The following P4HA1 variants were observed in gnomAD, a reference collection of about 807,000 sequenced individuals.
P4HA1 encodes the protein prolyl 4-hydroxylase subunit alpha-1.
A neutral mutation model predicts 72.8 loss-of-function variants in P4HA1; 24 were observed. The ratio of observed to expected loss-of-function variants is 0.33; its 90% confidence interval spans 0.24 to 0.46. The LOEUF (loss-of-function observed/expected upper bound fraction) is 0.46. P4HA1 is among the 20% of genes least tolerant of loss of function. The probability of loss-of-function intolerance (pLI) is 1.00; values close to 1 mark genes in which losing one functional copy is unlikely to be tolerated. For synonymous variants in P4HA1, 201 were observed against 218.8 expected, an observed-to-expected ratio of 0.92 and a Z score of 0.72; for missense variants, 446 against 640.6, an observed-to-expected ratio of 0.70 and a Z score of 3.28.
At chr10:73,027,333 C>T (rs1414128907) in intron 10 of P4HA1, among the ~76,000 whole-genome samples, 1 of 150,904 alleles carries the variant, frequency 6.6e-6, no homozygotes, top group African/African-American at 2.4e-5. Flanking sequence ...TCATTCTCAG[C>T]AAACTCTCAC....
intron 5 of P4HA1, among the ~76,000 whole-genome samples, chr10:73,063,948 A>G (rs1391235789): frequency 6.6e-6 from 1 of 151,874 alleles, no homozygotes; most frequent in Non-Finnish European, 1.5e-5. Context: ...AAGAAAACAA[A>G]GAAGAAAATG....
chr10:73,087,277 T>A (rs1841942743), intron 1 of P4HA1, among the ~76,000 whole-genome samples: 1 of 150,842 alleles, frequency 6.6e-6, no homozygotes, highest in African/African-American at 2.4e-5. Context: ...TATTTTTTTT[T>A]TTTTTTTTTG....
At chr10:73,019,730 G>GA (rs3066045) in intron 10 of P4HA1, among the ~76,000 whole-genome samples, 15 of 65,224 alleles carry the variant, frequency 2.3e-4, no homozygotes, top group Non-Finnish European at 1.6e-4. Flanking sequence ...CTCTGTCTCA[G>GA]AAAAAAAAAA....
intron 9 of P4HA1, among the ~76,000 whole-genome samples, chr10:73,031,531 A>G (rs1840432915): frequency 6.6e-6 from 1 of 152,194 alleles, no homozygotes; most frequent in Non-Finnish European, 1.5e-5. Flanking sequence ...AAGTCAAAGA[A>G]GCCAGATACA....
intron 1 of P4HA1, among the ~76,000 whole-genome samples, chr10:73,090,100 T>C (rs1027044230): frequency 8.0e-5 from 12 of 150,874 alleles, no homozygotes; most frequent in African/African-American, 2.9e-4. Flanking sequence ...CCCCAGAGTG[T>C]TGGGATTACA....
At chr10:73,041,536 C>T (rs1840733898) in intron 9 of P4HA1, among the ~76,000 whole-genome samples, 1 of 147,808 alleles carries the variant, frequency 6.8e-6, no homozygotes, top group African/African-American at 2.6e-5. Flanking sequence ...GAGCAAGACT[C>T]CATCCCCCCC....
intron 1 of P4HA1, among the ~76,000 whole-genome samples, chr10:73,085,670 A>T (rs1335560137): frequency 6.6e-6 from 1 of 151,928 alleles, no homozygotes; most frequent in Non-Finnish European, 1.5e-5. Context: ...GGAGTGACCC[A>T]CCGCACCCGG....
intron 9 of P4HA1, 130 bp downstream of exon 9, chr10:73,044,851 C>A: frequency 1.7e-6 from 1 of 594,846 alleles, no homozygotes. Context: ...CATGCGTTAT[C>A]CTGTTTATAT....
chr10:73,087,519 G>A (rs1272049590), intron 1 of P4HA1, among the ~76,000 whole-genome samples: 3 of 152,054 alleles, frequency 2.0e-5, no homozygotes, highest in Non-Finnish European at 4.4e-5. Flanking sequence ...ACCCACCTCA[G>A]CTTCCCAAAG....
chr10:73,096,142 C>T (rs1156751663), intron 1 of P4HA1, among the ~76,000 whole-genome samples: 1 of 152,228 alleles, frequency 6.6e-6, no homozygotes, highest in Non-Finnish European at 1.5e-5. Context: ...GCGCTACGAG[C>T]AGAAAGCTCG....
chr10:73,030,501 T>G (rs189914342), intron 9 of P4HA1, 131 bp from the exon 10 acceptor site: 4 of 427,292 alleles, frequency 9.4e-6, no homozygotes, highest in Non-Finnish European at 1.2e-5. Context: ...TAGTTCATTT[T>G]CTTGCTTAGT....
intron 10 of P4HA1, among the ~76,000 whole-genome samples, chr10:73,019,730 GAA>G (rs3066045): frequency 1.1e-4 from 7 of 65,224 alleles, no homozygotes; most frequent in South Asian, 9.4e-4. Flanking sequence ...CTCTGTCTCA[GAA>G]AAAAAAAAAA....
chr10:73,022,276 T>C (rs1564620445), intron 10 of P4HA1, among the ~76,000 whole-genome samples: 5 of 152,144 alleles, frequency 3.3e-5, no homozygotes, highest in Non-Finnish European at 1.5e-5. Flanking sequence ...GGTGCCCCTC[T>C]GGGATGAAGC....
intron 1 of P4HA1, among the ~76,000 whole-genome samples, chr10:73,078,637 A>C (rs567294747): frequency 1.4e-4 from 17 of 117,736 alleles, no homozygotes; most frequent in African/African-American, 5.6e-4. Context: ...TTGGAGACAG[A>C]GTCTCATTCT....
chr10:73,039,736 TAC>T (rs540404838), intron 9 of P4HA1, among the ~76,000 whole-genome samples: 110 of 152,224 alleles, frequency 7.2e-4, no homozygotes, highest in African/African-American at 2.4e-3. Context: ...GTTCTCTAAA[TAC>T]AGATATTTGA....
At chr10:73,059,426 A>T (rs1455922934) in intron 5 of P4HA1, among the ~76,000 whole-genome samples, 1 of 74,964 alleles carries the variant, frequency 1.3e-5, no homozygotes, top group Non-Finnish European at 2.5e-5. Context: ...AATATATTTA[A>T]AAAAAAAAAA....
intron 5 of P4HA1, among the ~76,000 whole-genome samples, chr10:73,061,203 C>T: frequency 6.6e-6 from 1 of 152,150 alleles, no homozygotes; most frequent in East Asian, 1.9e-4. Context: ...TGGGACAGGA[C>T]ATTAGGTGTT....
intron 9 of P4HA1, among the ~76,000 whole-genome samples, chr10:73,032,163 T>A (rs879938111): frequency 2.6e-5 from 4 of 152,218 alleles, no homozygotes; most frequent in Non-Finnish European, 1.5e-5. Flanking sequence ...CAGTAGATAA[T>A]GTATTTCCTA....
At chr10:73,037,543 ATATATATATATATATATATATATATATAT>A (rs1261355814) in intron 9 of P4HA1, among the ~76,000 whole-genome samples, 35 of 23,046 alleles carry the variant, frequency 1.5e-3, no homozygotes, top group Admixed American at 6.0e-3. Flanking sequence ...ATATATATAT[ATATATATATATATATATATATATATATAT>A]TTTTTTTTTT....
Sources: gnomAD v4.1 joint callset for allele counts (sites outside exome capture counted in the v4.1 genomes callset) on GRCh38, gnomAD v4.1.1 for gene constraint, MANE v1.5 for transcripts, NCBI Gene and HGNC (gene_info 2026-07-23, HGNC 2026-07-21) for gene names.